Variants in HS6ST3 observed in about 807,000 individuals in gnomAD.
The protein encoded by HS6ST3 is heparan sulfate 6-O-sulfotransferase 3.
In HS6ST3, 12 loss-of-function variants were observed where a neutral mutation model predicts 36.7. The observed-to-expected ratio is 0.33, with a 90% CI of 0.21 to 0.53. The LOEUF (loss-of-function observed/expected upper bound fraction) is 0.53. Among genes scored for constraint, HS6ST3 ranks in the 20% least tolerant of loss-of-function variants. The pLI, the probability that HS6ST3 is intolerant of heterozygous loss-of-function variation, is 0.95. For missense variants in HS6ST3, 584 were observed against 640.9 expected (o/e 0.91, Z 0.96); for synonymous variants, 240 against 257.5 (o/e 0.93, Z 0.65).
At chr13:96,229,869 A>T (rs1235347813) in intron 1 of HS6ST3, among the ~76,000 whole-genome samples, 1 of 152,208 alleles carries the variant, frequency 6.6e-6, no homozygotes, top group Non-Finnish European at 1.5e-5. Context: ...AGAAGCACTT[A>T]ACTCTGCTTG....
chr13:96,759,280 A>G (rs991606621), intron 1 of HS6ST3, among the ~76,000 whole-genome samples: 9 of 151,928 alleles, frequency 5.9e-5, no homozygotes, highest in Admixed American at 1.3e-4. Context: ...TGTTTAGTCC[A>G]TTTATTTTTA....
chr13:96,668,753 C>T (rs573016488), intron 1 of HS6ST3, among the ~76,000 whole-genome samples: 112 of 96,208 alleles, frequency 1.2e-3, no homozygotes, highest in Non-Finnish European at 1.9e-3. Context: ...TTGTTATGCA[C>T]ATTCAACCTA....
chr13:96,102,558 A>T (rs116925122), intron 1 of HS6ST3, among the ~76,000 whole-genome samples: 4,011 of 152,320 alleles, frequency 0.026, 64 homozygotes, highest in Non-Finnish European at 0.034. Flanking sequence ...TGAGGCCTAA[A>T]ACACCACTGC....
rs36110502 is a variant in HS6ST3 at position 96,524,038 on chromosome 13, G to T, written c.708-308452G>T. The stretch of plus-strand genomic sequence containing the variant: ...TTGATGTTGGTGACCTACGGATGGG[G>T]TTTTGGTGTGGATGTCCTTCTTGTT... On this transcript the variant is annotated intron_variant, in intron 1 of 1. Transcript: ENST00000376705. 2.2e-3 allele frequency among the ~76,000 whole-genome samples: 338 copies of T among 152,248 alleles called. 2 individuals are homozygous for T. The highest frequency in any genetic ancestry group is 0.01 in the Middle Eastern group (3 of 294).
chr13:96,686,099 G>T (rs1024463577), intron 1 of HS6ST3, among the ~76,000 whole-genome samples: 1 of 151,910 alleles, frequency 6.6e-6, no homozygotes, highest in African/African-American at 2.4e-5. Context: ...GAAGGCGTTT[G>T]CCTGCAGTTA....
chr13:96,485,111 T>C (rs918396138), intron 1 of HS6ST3, among the ~76,000 whole-genome samples: 4 of 152,188 alleles, frequency 2.6e-5, no homozygotes, highest in African/African-American at 9.6e-5. Context: ...AGTTTATCAA[T>C]GTCCACAAAA....
rs182582803 is a variant in HS6ST3 at position 96,520,489 on chromosome 13, A to T, written c.708-312001A>T. The stretch of plus-strand genomic sequence containing the variant: ...ATATTGATTCTTCCTATCCATAAGC[A>T]TGGAATATTTTTCCATTTGTTTGTG... On this transcript the variant is annotated intron_variant, in intron 1 of 1. Transcript: ENST00000376705. 1.4e-3 allele frequency among the ~76,000 whole-genome samples: 207 copies of T among 152,366 alleles called. 1 individual carries two copies. The highest frequency in any genetic ancestry group is 2.3e-3 in the Non-Finnish European group (156 of 68,038).
intron 1 of HS6ST3, among the ~76,000 whole-genome samples, chr13:96,208,266 T>A (rs1351018848): frequency 6.6e-6 from 1 of 152,172 alleles, no homozygotes; most frequent in Non-Finnish European, 1.5e-5. Context: ...CCATTAAAAA[T>A]TATTCTTTTA....
intron 1 of HS6ST3, among the ~76,000 whole-genome samples, chr13:96,829,842 A>T (rs547210932): frequency 1.6e-4 from 25 of 152,302 alleles, no homozygotes; most frequent in African/African-American, 5.8e-4. Flanking sequence ...AACAATTTAT[A>T]TTCATTTGGC....
At chr13:96,637,216 A>G (rs1231496100) in intron 1 of HS6ST3, among the ~76,000 whole-genome samples, 1 of 152,122 alleles carries the variant, frequency 6.6e-6, no homozygotes, top group Non-Finnish European at 1.5e-5. Context: ...TTTATGCAAG[A>G]TAGGAAAAAT....
At chr13:96,316,891 C>T (rs1260192248) in intron 1 of HS6ST3, among the ~76,000 whole-genome samples, 2 of 151,976 alleles carry the variant, frequency 1.3e-5, no homozygotes, top group Non-Finnish European at 1.5e-5. Flanking sequence ...TTTGTGTTTG[C>T]GTAGAAATGA....
At chr13:96,346,730 T>C (rs1460596289) in intron 1 of HS6ST3, among the ~76,000 whole-genome samples, 1 of 152,176 alleles carries the variant, frequency 6.6e-6, no homozygotes, top group African/African-American at 2.4e-5. Context: ...GAAACTGGCC[T>C]GTAAGGCAGA....
intron 1 of HS6ST3, among the ~76,000 whole-genome samples, chr13:96,367,700 T>C (rs1009043883): frequency 2.0e-5 from 3 of 152,224 alleles, no homozygotes; most frequent in Non-Finnish European, 4.4e-5. Context: ...CCATTATTAT[T>C]GCTGGTGCAA....
chr13:96,632,527 C>T (rs1291119031), intron 1 of HS6ST3, among the ~76,000 whole-genome samples: 1 of 152,034 alleles, frequency 6.6e-6, no homozygotes, highest in Non-Finnish European at 1.5e-5. Context: ...TTCTGCAATT[C>T]GATCTTTTTA....
intron 1 of HS6ST3, among the ~76,000 whole-genome samples, chr13:96,473,973 C>T (rs374871670): frequency 3.9e-5 from 6 of 152,156 alleles, no homozygotes; most frequent in East Asian, 1.9e-4. Context: ...GGAAGGACCT[C>T]GCCAAATGTG....
At chr13:96,486,585 A>C (rs369356725) in intron 1 of HS6ST3, among the ~76,000 whole-genome samples, 1 of 152,082 alleles carries the variant, frequency 6.6e-6, no homozygotes, top group African/African-American at 2.4e-5. Context: ...GAATCTCATT[A>C]TGGTTTTGAT....
At chr13:96,681,822 C>T (rs2056719308) in intron 1 of HS6ST3, among the ~76,000 whole-genome samples, 1 of 152,104 alleles carries the variant, frequency 6.6e-6, no homozygotes, top group South Asian at 2.1e-4. Flanking sequence ...ATTTATTGAA[C>T]CATCCTTGTT....
chr13:96,403,681 G>A (rs1353018364), intron 1 of HS6ST3, among the ~76,000 whole-genome samples: 1 of 152,178 alleles, frequency 6.6e-6, no homozygotes, highest in East Asian at 1.9e-4. Flanking sequence ...GAGAGCAACT[G>A]TATGTTTTCG....
chr13:96,675,526 G>T (rs763183628), intron 1 of HS6ST3, among the ~76,000 whole-genome samples: 1 of 151,936 alleles, frequency 6.6e-6, no homozygotes, highest in African/African-American at 2.4e-5. Context: ...AGAAACAAAT[G>T]GGTGGGAATA....
Sources: allele counts gnomAD v4.1 joint callset (sites outside exome capture counted in the v4.1 genomes callset), GRCh38; gene constraint gnomAD v4.1.1; transcripts MANE v1.5; gene names NCBI Gene and HGNC (gene_info 2026-07-23, HGNC 2026-07-21).